Variants in ATP10B observed in about 807,000 individuals in gnomAD.
ATP10B encodes phospholipid-transporting ATPase VB.
ATP10B carries 122 observed loss-of-function variants against 141.2 expected under a neutral mutation model. The observed-to-expected ratio is 0.86, with a 90% confidence interval of 0.75 to 1.00. The LOEUF is 1.00. Ranked by LOEUF, ATP10B falls within the 50% of genes least tolerant of loss-of-function variation. The probability of loss-of-function intolerance (pLI) is 0.00; values close to 1 mark genes in which losing one functional copy is unlikely to be tolerated. For missense variants in ATP10B, 1,876 were observed against 1,825.3 expected (o/e 1.03, Z -0.51); for synonymous variants, 685 against 692.0 (o/e 0.99, Z 0.16).
At chr5:160,695,326 C>G (rs528489733) in intron 3 of ATP10B, among the ~76,000 whole-genome samples, 33 of 151,082 alleles carry the variant, frequency 2.2e-4, no homozygotes, top group Non-Finnish European at 4.3e-4. Flanking sequence ...AAAACAATGG[C>G]CTCCTGTAAT....
Position 160,607,169 on chromosome 5 carries a change from T to G in ATP10B, c.2839-83A>C, listed in dbSNP as rs952183445. 6 of 1,204,278 alleles carry G rather than the reference T, an allele frequency of 5.0e-6. No homozygotes were observed. The African/African-American group carries it at 9.2e-5, about 18-fold the overall frequency. 74.6% of individuals were successfully genotyped at this position (1,204,278 alleles called of 1,614,324 possible). Reference sequence around the variant, plus strand: ...AATTTCAGTTTATTCTTTAGTAAGATAGTCATAAAACTCTACTACCATAGA... The same window carrying G: ...AATTTCAGTTTATTCTTTAGTAAGAGAGTCATAAAACTCTACTACCATAGA... On this transcript the variant is annotated intron_variant, in intron 18 of 25. Coordinates refer to ENST00000327245, the MANE Select transcript of ATP10B (RefSeq NM_025153.3).
chr5:160,617,842 C>T (rs757960383), intron 16 of ATP10B, 22 bp downstream of exon 16: 16 of 1,587,474 alleles, frequency 1.0e-5, no homozygotes, highest in South Asian at 5.5e-5. Flanking sequence ...ATTCAAAGCA[C>T]GCTTGGAGGA....
chr5:160,886,490 T>TA, the ATP10B span, among the ~76,000 whole-genome samples: 1 of 152,038 alleles, frequency 6.6e-6, no homozygotes, highest in African/African-American at 2.4e-5. Flanking sequence ...AACAGGGAAA[T>TA]AATCAAGAAG....
At chr5:160,612,973 G>C (rs751744331) in intron 17 of ATP10B, 48 bp from the exon 18 acceptor site, 2 of 1,549,298 alleles carry the variant, frequency 1.3e-6, no homozygotes, top group South Asian at 2.4e-5. Flanking sequence ...TAAAAGAGTA[G>C]TTGCTTAATT....
intron 2 of ATP10B, among the ~76,000 whole-genome samples, chr5:160,759,502 AT>A (rs983631880): frequency 2.0e-5 from 3 of 152,066 alleles, no homozygotes; most frequent in Admixed American, 6.6e-5. Context: ...TAAATGAACA[AT>A]TTTTTTTAAG....
chr5:160,856,082 G>A (rs923446243), upstream of ATP10B, among the ~76,000 whole-genome samples: 1 of 151,310 alleles, frequency 6.6e-6, no homozygotes, highest in Non-Finnish European at 1.5e-5. Context: ...CATATAAATT[G>A]TATAATAATC....
intron 24 of ATP10B, among the ~76,000 whole-genome samples, chr5:160,586,675 C>T (rs965707906): frequency 3.3e-5 from 5 of 152,118 alleles, no homozygotes; most frequent in Admixed American, 2.0e-4. Context: ...TTCTGACTGG[C>T]GTGAGATGGT....
chr5:160,690,223 T>C (rs573442821), intron 3 of ATP10B, among the ~76,000 whole-genome samples: 2 of 152,274 alleles, frequency 1.3e-5, no homozygotes, highest in East Asian at 1.9e-4. Flanking sequence ...GATTAAAGAT[T>C]TAAAGGTAAG....
intron 1 of ATP10B, among the ~76,000 whole-genome samples, chr5:160,817,399 C>A (rs1361980568): frequency 6.6e-6 from 1 of 152,126 alleles, no homozygotes; most frequent in Non-Finnish European, 1.5e-5. Flanking sequence ...CTCCCATTCA[C>A]AATTGCTTCA....
At chr5:160,574,338 G>T (rs868707372) in intron 24 of ATP10B, among the ~76,000 whole-genome samples, 9 of 152,162 alleles carry the variant, frequency 5.9e-5, no homozygotes, top group South Asian at 4.1e-4. Context: ...GGAGGGTGAG[G>T]CAGGAGAATC....
chr5:160,718,109 T>C (rs1054982300), intron 2 of ATP10B, among the ~76,000 whole-genome samples: 2 of 152,248 alleles, frequency 1.3e-5, no homozygotes, highest in African/African-American at 4.8e-5. Context: ...AGCATTTTGT[T>C]ATTCATGGTC....
chr5:160,623,398 G>A (rs1758454598), intron 13 of ATP10B, among the ~76,000 whole-genome samples: 1 of 152,194 alleles, frequency 6.6e-6, no homozygotes, highest in African/African-American at 2.4e-5. Flanking sequence ...TGGGAGCTAT[G>A]AGACCTAGCA....
chr5:160,816,556 C>T (rs1298085353), intron 1 of ATP10B, among the ~76,000 whole-genome samples: 3 of 152,124 alleles, frequency 2.0e-5, no homozygotes, highest in South Asian at 2.1e-4. Flanking sequence ...GATTCACAGC[C>T]GAATTCTACC....
chr5:160,691,524 G>T (rs967757178), intron 3 of ATP10B, among the ~76,000 whole-genome samples: 3 of 152,092 alleles, frequency 2.0e-5, no homozygotes, highest in African/African-American at 7.2e-5. Context: ...TGTATATAAT[G>T]GTCCTTCTCA....
At chr5:160,766,384 A>G (rs1295478472) in intron 2 of ATP10B, among the ~76,000 whole-genome samples, 1 of 142,228 alleles carries the variant, frequency 7.0e-6, no homozygotes, top group South Asian at 2.3e-4. Context: ...ACACACACAC[A>G]GACACTCACC....
Position 160,617,729 on chromosome 5 carries a change from G to A in ATP10B, c.2526+135C>T. On this transcript the variant is annotated intron_variant, in intron 16 of 25. Coordinates refer to ENST00000327245, the MANE Select transcript of ATP10B (RefSeq NM_025153.3). The stretch of plus-strand genomic sequence containing the variant: ...ATTGTCAGTGTCTTGGGTTTTTGTG[G>A]CAAGTCAGAACAGCTAATCTTGAAA... The A allele has an allele frequency of 3.9e-6, 3 of 765,234 alleles. No individual in the cohort carries two copies. The Admixed American group carries it at 8.6e-5, about 22-fold the overall frequency. The allele number at this position is 765,234 out of a possible 1,614,324, so 47.4% of individuals were successfully genotyped here.
chr5:160,567,287 G>C (rs1386210949), intron 25 of ATP10B, among the ~76,000 whole-genome samples: 3 of 152,196 alleles, frequency 2.0e-5, no homozygotes, highest in African/African-American at 4.8e-5. Flanking sequence ...GGCAATGAGA[G>C]TGTCGAACAT....
At chr5:160,675,227 T>G (rs1196689601) in intron 6 of ATP10B, among the ~76,000 whole-genome samples, 2 of 152,216 alleles carry the variant, frequency 1.3e-5, no homozygotes, top group Admixed American at 1.3e-4. Flanking sequence ...GTCCCCCTAC[T>G]AGAGGGTCCA....
the ATP10B span, among the ~76,000 whole-genome samples, chr5:160,869,045 C>T: frequency 6.6e-6 from 1 of 152,126 alleles, no homozygotes; most frequent in African/African-American, 2.4e-5. Flanking sequence ...CCTTTGAAAG[C>T]TACTTTATCT....
Sources: gnomAD v4.1 joint callset for allele counts (sites outside exome capture counted in the v4.1 genomes callset) on GRCh38, gnomAD v4.1.1 for gene constraint, MANE v1.5 for transcripts, NCBI Gene and HGNC (gene_info 2026-07-23, HGNC 2026-07-21) for gene names.